The following C10orf90 variants were observed in gnomAD, a reference collection of about 807,000 sequenced individuals.
C10orf90 encodes (E2-independent) E3 ubiquitin-conjugating enzyme FATS.
C10orf90 carries 56 observed loss-of-function variants against 62.5 expected under a neutral mutation model. The observed-to-expected ratio is 0.90, with a 90% confidence interval of 0.72 to 1.12. The LOEUF is 1.12. C10orf90 is among the 50% of genes most tolerant of loss of function. The pLI is 0.00. For missense variants in C10orf90, 970 were observed against 880.4 expected (o/e 1.10, Z -1.29); for synonymous variants, 386 against 340.4 (o/e 1.13, Z -1.47).
chr10:126,632,796 T>C (rs189576209), intron 2 of C10orf90, among the ~76,000 whole-genome samples: 210 of 152,318 alleles, frequency 1.4e-3, no homozygotes, highest in African/African-American at 4.7e-3. Context: ...TTTTCTCTTC[T>C]GTGCTTGGCC....
intron 2 of C10orf90, among the ~76,000 whole-genome samples, chr10:126,531,173 G>GAAA (rs748546326): frequency 9.4e-5 from 11 of 116,484 alleles, no homozygotes; most frequent in Non-Finnish European, 3.6e-5. Flanking sequence ...GACTCCATCT[G>GAAA]AAAAAAAAAA....
intron 2 of C10orf90, among the ~76,000 whole-genome samples, chr10:126,595,939 C>T (rs11812189): frequency 6.6e-6 from 1 of 152,026 alleles, no homozygotes; most frequent in Non-Finnish European, 1.5e-5. Flanking sequence ...CTGTACCTCA[C>T]ACCACACATG....
At chr10:126,514,554 C>A (rs777138972) in intron 2 of C10orf90, among the ~76,000 whole-genome samples, 1 of 152,166 alleles carries the variant, frequency 6.6e-6, no homozygotes, top group Non-Finnish European at 1.5e-5. Flanking sequence ...ACTGGAGAAC[C>A]GGGATTCTAG....
At chr10:126,653,320 G>A (rs1257312285) in intron 1 of C10orf90, among the ~76,000 whole-genome samples, 2 of 152,170 alleles carry the variant, frequency 1.3e-5, no homozygotes, top group Non-Finnish European at 2.9e-5. Context: ...TTCGACTTTG[G>A]AGGCAATCCC....
At chr10:126,521,546 G>A (rs1338153614) in intron 2 of C10orf90, 2 of 1,081,420 alleles carry the variant, frequency 1.8e-6, no homozygotes, top group African/African-American at 1.6e-5. Context: ...TGGCATACAA[G>A]CCCACCTTGT....
chr10:126,459,258 G>C, intron 6 of C10orf90, 41 bp from the exon 7 acceptor site: 4 of 1,606,480 alleles, frequency 2.5e-6, no homozygotes, highest in Non-Finnish European at 3.4e-6. Context: ...TAAGAGCAGT[G>C]ACACAGAAAG....
chr10:126,638,649 G>C (rs758279368), intron 2 of C10orf90, among the ~76,000 whole-genome samples: 1 of 152,088 alleles, frequency 6.6e-6, no homozygotes, highest in Admixed American at 6.6e-5. Flanking sequence ...TGAGGGCCTT[G>C]GATGGCCTAT....
At chr10:126,585,013 C>G (rs1478237600) in intron 2 of C10orf90, among the ~76,000 whole-genome samples, 1 of 152,000 alleles carries the variant, frequency 6.6e-6, no homozygotes, top group East Asian at 1.9e-4. Flanking sequence ...AGCAGGAGAG[C>G]TACCGTGATA....
At chr10:126,551,673 A>G (rs1026266676) in intron 2 of C10orf90, among the ~76,000 whole-genome samples, 6 of 152,244 alleles carry the variant, frequency 3.9e-5, no homozygotes, top group Admixed American at 3.9e-4. Context: ...TATGTTTCAG[A>G]CCACAGGCTG....
chr10:126,612,146 C>A (rs1473787312), intron 2 of C10orf90, among the ~76,000 whole-genome samples: 1 of 152,070 alleles, frequency 6.6e-6, no homozygotes, highest in African/African-American at 2.4e-5. Context: ...CATGGTGAAA[C>A]CCTGTCTCTA....
Position 126,670,251 on chromosome 10 carries a change from C to T in C10orf90, c.230G>A (p.Ser77Asn), listed in dbSNP as rs1312870896. ...CAGGCTCAGCCATACCTCATATCTG[C>T]TGGCTGTCTGCTCAGCCGTCTTCAA... ...QGLKTAEQTA[S>N]RYEIHSRLFS... is the part of the protein sequence containing the mutation. Residue 77 changes from serine (S) to asparagine (N), a missense_variant, in exon 1 of 10, where the codon AGC becomes AAC. Physicochemically the swap from Ser to Asn is conservative, Grantham distance 46. Coordinates refer to ENST00000488181, the MANE Select transcript of C10orf90 (RefSeq NM_001350921.2). 1 of 456,586 alleles carries T rather than the reference C, an allele frequency of 2.2e-6. No homozygotes were observed. The highest frequency in any genetic ancestry group is 3.2e-4 in the Middle Eastern group (1 of 3,096). 28.3% of individuals were successfully genotyped at this position (456,586 alleles called of 1,614,324 possible).
intron 2 of C10orf90, among the ~76,000 whole-genome samples, chr10:126,630,281 C>G (rs1591158825): frequency 6.6e-6 from 1 of 152,196 alleles, no homozygotes; most frequent in East Asian, 1.9e-4. Context: ...TCTGGACCCC[C>G]ACTCTGTGCT....
intron 2 of C10orf90, among the ~76,000 whole-genome samples, chr10:126,547,454 C>T (rs1022012577): frequency 3.5e-5 from 5 of 142,534 alleles, no homozygotes; most frequent in African/African-American, 1.3e-4. Context: ...GAAAGAAAAT[C>T]ATTCGTTCAT....
rs556963800 is a variant in C10orf90, at chr10:126,660,441, C to A, written c.240+9800G>T. 2.0e-5 allele frequency among the ~76,000 whole-genome samples: 3 copies of A among 152,336 alleles called. No homozygotes were observed. In the South Asian group the frequency reaches 6.2e-4, roughly 32 times the overall value. On this transcript the variant is annotated intron_variant, in intron 1 of 9. Transcript: ENST00000488181. Reference sequence around the variant, plus strand: ...ATTGTGAGCTGCCCACGGCTAGAGCCTCAGACAGGGACCTGAAGCAGTCCT... The same window carrying A: ...ATTGTGAGCTGCCCACGGCTAGAGCATCAGACAGGGACCTGAAGCAGTCCT...
At chr10:126,460,456 A>G (rs1859894986) in intron 6 of C10orf90, among the ~76,000 whole-genome samples, 1 of 152,230 alleles carries the variant, frequency 6.6e-6, no homozygotes, top group South Asian at 2.1e-4. Flanking sequence ...CTCAGTCTGT[A>G]TCACATATGT....
intron 1 of C10orf90, among the ~76,000 whole-genome samples, chr10:126,655,955 C>A (rs920174956): frequency 2.0e-5 from 3 of 151,930 alleles, no homozygotes. Flanking sequence ...TATATTTTAC[C>A]ACTGGTGGTT....
chr10:126,666,114 T>G (rs1846622208), intron 1 of C10orf90, among the ~76,000 whole-genome samples: 1 of 152,166 alleles, frequency 6.6e-6, no homozygotes, highest in East Asian at 1.9e-4. Context: ...ACCATGGACA[T>G]TTTCAGCTAG....
chr10:126,573,104 C>T (rs549574749), intron 2 of C10orf90, among the ~76,000 whole-genome samples: 5 of 152,220 alleles, frequency 3.3e-5, no homozygotes, highest in South Asian at 2.1e-4. Flanking sequence ...AGCAGACTCA[C>T]GTCTCCAAAA....
rs927191642 is a variant in C10orf90 at position 126,456,691 on chromosome 10, T to C, written c.2188+2349A>G. Among the ~76,000 whole-genome samples the C allele has an allele frequency of 5.3e-5, 8 of 152,202 alleles. No individual in the cohort carries two copies. Among genetic ancestry groups the C allele is most frequent in the South Asian group, 2.1e-4 (1 of 4,832 alleles). On this transcript the variant is annotated intron_variant, in intron 7 of 9. Transcript: ENST00000488181. This position sits in a 1 kb window ranked among gnomAD's most constrained non-coding sequence, Gnocchi z 4.9. Reference sequence around the variant, plus strand: ...TAAAATGAGGTCAGACTGGTGAGGTTAGCCCTAATCCAATGACTGCTGTCT... The same window carrying C: ...TAAAATGAGGTCAGACTGGTGAGGTCAGCCCTAATCCAATGACTGCTGTCT...
Sources: allele counts gnomAD v4.1 joint callset (sites outside exome capture counted in the v4.1 genomes callset), GRCh38; gene constraint gnomAD v4.1.1; non-coding constraint Gnocchi (gnomAD v3.1); transcripts MANE v1.5; gene names NCBI Gene and HGNC (gene_info 2026-07-23, HGNC 2026-07-21).